The following IGFBP7 variants were observed in gnomAD, a reference collection of about 807,000 sequenced individuals.
The protein encoded by IGFBP7 is insulin-like growth factor-binding protein 7.
Under a neutral mutation model 29.4 loss-of-function variants are expected in IGFBP7, and 31 were observed. The ratio of observed to expected loss-of-function variants is 1.05; its 90% CI spans 0.79 to 1.42. The LOEUF is 1.42. IGFBP7 is among the 40% of genes most tolerant of loss of function. The probability of loss-of-function intolerance (pLI) is 0.00; values close to 1 mark genes in which losing one functional copy is unlikely to be tolerated. For missense variants in IGFBP7, 393 were observed against 395.5 expected, an observed-to-expected ratio of 0.99 and a Z score of 0.05; for synonymous variants, 172 against 174.9, an observed-to-expected ratio of 0.98 and a Z score of 0.13.
chr4:57,058,171 G>A (rs565727398), intron 1 of IGFBP7, among the ~76,000 whole-genome samples: 41 of 152,262 alleles, frequency 2.7e-4, no homozygotes, highest in African/African-American at 9.9e-4. Context: ...TATTTCATAA[G>A]GTTAGCACTA....
chr4:57,035,505 A>G (rs1474218361), intron 2 of IGFBP7, among the ~76,000 whole-genome samples: 1 of 151,962 alleles, frequency 6.6e-6, no homozygotes, highest in Admixed American at 6.6e-5. Flanking sequence ...CCCAGGGTGG[A>G]GTGCAGTGGT....
At chr4:57,081,981 G>C (rs78070329) in intron 1 of IGFBP7, among the ~76,000 whole-genome samples, 1 of 152,106 alleles carries the variant, frequency 6.6e-6, no homozygotes, top group Non-Finnish European at 1.5e-5. Flanking sequence ...GGCTTACCAG[G>C]TGAAAGGCAC....
intron 1 of IGFBP7, among the ~76,000 whole-genome samples, chr4:57,088,170 C>A (rs534303157): frequency 2.0e-5 from 3 of 151,914 alleles, no homozygotes; most frequent in African/African-American, 7.2e-5. Flanking sequence ...GAGACAGGGT[C>A]TCACTATGTT....
intron 1 of IGFBP7, among the ~76,000 whole-genome samples, chr4:57,058,090 G>C (rs1713955): frequency 0.63 from 96,444 of 151,984 alleles, 30,990 homozygotes; most frequent in East Asian, 0.9. Context: ...CAAAAAAGTC[G>C]TGGGTAATTT....
chr4:57,048,051 C>T (rs11725261), intron 1 of IGFBP7, among the ~76,000 whole-genome samples: 26,868 of 148,132 alleles, frequency 0.18, 2,606 homozygotes, highest in Admixed American at 0.29. Context: ...TGCCCCCCTC[C>T]GCCCCCCTTT....
chr4:57,050,773 G>C (rs990265017), intron 1 of IGFBP7, among the ~76,000 whole-genome samples: 3 of 151,160 alleles, frequency 2.0e-5, no homozygotes, highest in Non-Finnish European at 2.9e-5. Flanking sequence ...GCCCAGGCTG[G>C]TCTCGAACCC....
intron 1 of IGFBP7, chr4:57,065,577 C>T (rs908763610): frequency 6.6e-6 from 1 of 152,358 alleles, no homozygotes; most frequent in Non-Finnish European, 1.5e-5. Flanking sequence ...GTCGGCCCTC[C>T]TCCCAATCCG....
chr4:57,060,814 G>A (rs192993555), intron 1 of IGFBP7, among the ~76,000 whole-genome samples: 2 of 152,152 alleles, frequency 1.3e-5, no homozygotes, highest in African/African-American at 2.4e-5. Flanking sequence ...AGCTACTCAA[G>A]AGGCTGAGGC....
chr4:57,063,034 C>G (rs1355642771), intron 1 of IGFBP7, among the ~76,000 whole-genome samples: 1 of 152,144 alleles, frequency 6.6e-6, no homozygotes, highest in African/African-American at 2.4e-5. Flanking sequence ...CCCTGAGCTC[C>G]AGCCATAATG....
rs71657252 is a variant in IGFBP7 at position 57,084,788 on chromosome 4, G to GATT, written c.475+25088_475+25089insAAT. Among the ~76,000 whole-genome samples, 14 of 113,074 alleles carry GATT rather than the reference G, an allele frequency of 1.2e-4. 2 individuals carry two copies. The South Asian group carries it at 1.5e-3, about 12-fold the overall frequency. 74.2% of individuals were successfully genotyped at this position (113,074 alleles called of 152,430 possible). A position where few individuals can be genotyped will look rare whatever the true frequency, so the allele number is the denominator to read the frequency against. ...CTTTTTACTCAGATGTTTAAAAAAG[G>GATT]TTTTTTTTTTTTTTTTTTTTGGGAC... On this transcript the variant is annotated intron_variant, in intron 1 of 4. Transcript: ENST00000295666.
At chr4:57,101,287 T>A (rs1162648792) in intron 1 of IGFBP7, among the ~76,000 whole-genome samples, 1 of 152,250 alleles carries the variant, frequency 6.6e-6, no homozygotes, top group Non-Finnish European at 1.5e-5. Flanking sequence ...TGCTCTTTAC[T>A]GTGGGAACTT....
At chr4:57,045,331 A>C (rs1171014482) in intron 1 of IGFBP7, among the ~76,000 whole-genome samples, 1 of 152,218 alleles carries the variant, frequency 6.6e-6, no homozygotes, top group East Asian at 1.9e-4. Flanking sequence ...CACAACATTT[A>C]CAAAAACCTT....
chr4:57,039,065 C>CAAAAAAA (rs71208974), intron 2 of IGFBP7, among the ~76,000 whole-genome samples: 12 of 106,450 alleles, frequency 1.1e-4, no homozygotes, highest in African/African-American at 1.8e-4. Context: ...AACTATGTCT[C>CAAAAAAA]AAAAAAAAAA....
intron 2 of IGFBP7, among the ~76,000 whole-genome samples, chr4:57,038,773 A>G (rs562624527): frequency 5.7e-4 from 87 of 152,248 alleles, no homozygotes; most frequent in African/African-American, 2.0e-3. Flanking sequence ...AATGTATAAA[A>G]AGGACAAAAA....
chr4:57,100,530 A>G (rs1434575563), intron 1 of IGFBP7, among the ~76,000 whole-genome samples: 1 of 152,172 alleles, frequency 6.6e-6, no homozygotes, highest in Non-Finnish European at 1.5e-5. Context: ...AGCCATCTCA[A>G]CTCTGACATA....
chr4:57,108,637 A>T (rs1283788864), intron 1 of IGFBP7, among the ~76,000 whole-genome samples: 1 of 151,328 alleles, frequency 6.6e-6, no homozygotes, highest in Non-Finnish European at 1.5e-5. Flanking sequence ...CGCCTCCCAG[A>T]TTCAAGCGAT....
chr4:57,038,884 T>C (rs1724149258), intron 2 of IGFBP7, among the ~76,000 whole-genome samples: 2 of 151,852 alleles, frequency 1.3e-5, no homozygotes, highest in South Asian at 4.2e-4. Context: ...CTGACCAACA[T>C]GGAGAAACCC....
At chr4:57,054,813 T>C (rs1015166026) in intron 1 of IGFBP7, among the ~76,000 whole-genome samples, 4 of 152,124 alleles carry the variant, frequency 2.6e-5, no homozygotes, top group Non-Finnish European at 2.9e-5. Flanking sequence ...GGGAGGATGC[T>C]ACAATGGGGC....
chr4:57,056,274 G>C (rs559542413), intron 1 of IGFBP7, among the ~76,000 whole-genome samples: 6 of 152,100 alleles, frequency 3.9e-5, no homozygotes, highest in Admixed American at 3.3e-4. Context: ...GCAGGATTTC[G>C]TGTTTCTTCT....
Sources: gnomAD v4.1 joint callset for allele counts (sites outside exome capture counted in the v4.1 genomes callset) on GRCh38, gnomAD v4.1.1 for gene constraint, MANE v1.5 for transcripts, NCBI Gene and HGNC (gene_info 2026-07-23, HGNC 2026-07-21) for gene names.